COL24A1: variants seen among roughly 807,000 people sequenced by gnomAD.
COL24A1 encodes the protein collagen alpha-1(XXIV) chain.
Under a neutral mutation model 253.9 loss-of-function variants are expected in COL24A1, and 224 were observed. The ratio of observed to expected loss-of-function variants is 0.88; its 90% CI spans 0.79 to 0.99. The LOEUF (loss-of-function observed/expected upper bound fraction) is 0.99. COL24A1 is among the 50% of genes least tolerant of loss of function. The probability of loss-of-function intolerance (pLI) is 0.00; values close to 1 mark genes in which losing one functional copy is unlikely to be tolerated. For synonymous variants in COL24A1, 685 were observed against 673.7 expected (o/e 1.02, Z -0.26); for missense variants, 2,131 against 2,068.5 (o/e 1.03, Z -0.59).
chr1:85,842,879 T>G (rs1215068977), intron 39 of COL24A1, among the ~76,000 whole-genome samples: 2 of 152,146 alleles, frequency 1.3e-5, no homozygotes, highest in African/African-American at 4.8e-5. Context: ...GGTTGACAAC[T>G]TACATGTAAT....
intron 3 of COL24A1, among the ~76,000 whole-genome samples, chr1:86,116,381 A>G (rs2102193589): frequency 6.6e-6 from 1 of 152,330 alleles, no homozygotes; most frequent in Non-Finnish European, 1.5e-5. Flanking sequence ...TAAAATTTTT[A>G]TATATCTATG....
chr1:86,101,262 A>AT, intron 5 of COL24A1, among the ~76,000 whole-genome samples: 1 of 152,114 alleles, frequency 6.6e-6, no homozygotes, highest in East Asian at 1.9e-4. Flanking sequence ...TTGAAGTTGT[A>AT]TATCAGCTTA....
chr1:85,887,649 A>G (rs1571087382), intron 32 of COL24A1, among the ~76,000 whole-genome samples: 3 of 152,118 alleles, frequency 2.0e-5, no homozygotes, highest in African/African-American at 7.2e-5. Context: ...AACTGGACTG[A>G]GGGCTGTAGT....
intron 24 of COL24A1, among the ~76,000 whole-genome samples, chr1:85,925,280 T>C (rs1459036081): frequency 6.6e-6 from 1 of 152,186 alleles, no homozygotes; most frequent in Non-Finnish European, 1.5e-5. Flanking sequence ...GCCATCCCCA[T>C]GAAGCTACCA....
intron 8 of COL24A1, among the ~76,000 whole-genome samples, chr1:86,062,960 C>T (rs1009661405): frequency 7.6e-4 from 116 of 152,160 alleles, no homozygotes; most frequent in African/African-American, 2.6e-3. Flanking sequence ...TTAGGGTTTC[C>T]TGAGTCTCTG....
At position 85,976,620 on chromosome 1, in the gene COL24A1, C is replaced by T. The variant is rs185406811; in HGVS notation, c.2365-5227G>A. On this transcript the variant is annotated intron_variant, in intron 20 of 59. Transcript: ENST00000370571. The stretch of plus-strand genomic sequence containing the variant: ...GGCCTTGCCCATCACCTGAGAAACC[C>T]AAATACTTATTCTGGCCAACTTAGG... 5.9e-5 allele frequency among the ~76,000 whole-genome samples: 9 copies of T among 152,258 alleles called. No individual in the cohort carries two copies. In the East Asian group the frequency reaches 1.5e-3, roughly 26 times the overall value.
intron 23 of COL24A1, 71 bp from the exon 24 acceptor site, chr1:85,961,364 T>C: frequency 7.9e-7 from 1 of 1,260,478 alleles, no homozygotes; most frequent in Non-Finnish European, 1.1e-6. Context: ...CAGTTTCAAT[T>C]TTCCTTTTTA....
chr1:85,853,652 A>G (rs888058245), intron 37 of COL24A1, among the ~76,000 whole-genome samples: 5 of 152,186 alleles, frequency 3.3e-5, no homozygotes, highest in African/African-American at 1.2e-4. Flanking sequence ...ACTTTTTAAT[A>G]AAAGCCATTC....
rs746583358 is a variant in COL24A1, at chr1:86,126,204, A to T, written c.132T>A (p.Ile44=). The change falls in exon 3 of 60, where the codon ATT becomes ATA. Residue 44 remains isoleucine (I), a synonymous_variant. Transcript: ENST00000370571. ...VVHAQEQGID[I]LHQLGLGGKD... is the part of the protein sequence containing the mutation. Reference sequence around the variant, plus strand: ...TGCCTCCAAGGCCTAGTTGATGAAGAATATCTATGCCTGGAAATTTAAAAA... The same window carrying T: ...TGCCTCCAAGGCCTAGTTGATGAAGTATATCTATGCCTGGAAATTTAAAAA... 3.1e-6 allele frequency: 5 copies of T among 1,589,608 alleles called. No individual in the cohort carries two copies. Among genetic ancestry groups the T allele is most frequent in the Non-Finnish European group, 4.3e-6 (5 of 1,174,282 alleles).
chr1:86,074,584 A>T (rs1198761587), intron 7 of COL24A1, among the ~76,000 whole-genome samples: 1 of 152,138 alleles, frequency 6.6e-6, no homozygotes, highest in African/African-American at 2.4e-5. Flanking sequence ...TAGGACTTGA[A>T]CTCAGCTCTG....
intron 29 of COL24A1, 116 bp from the exon 30 acceptor site, chr1:85,896,181 A>T: frequency 1.6e-6 from 2 of 1,242,106 alleles, no homozygotes; most frequent in Non-Finnish European, 2.3e-6. Context: ...ATAGTTCATT[A>T]TTGAAAAGAA....
chr1:86,058,024 A>G (rs1235805362), intron 9 of COL24A1, 49 bp from the exon 10 acceptor site: 9 of 1,492,410 alleles, frequency 6.0e-6, no homozygotes, highest in Non-Finnish European at 6.5e-6. Flanking sequence ...CTTTTTAAAG[A>G]GTTAATAAAT....
chr1:85,756,057 C>CAAAAAAAAAAAAAAA (rs200030128), intron 55 of COL24A1, among the ~76,000 whole-genome samples: 2 of 95,822 alleles, frequency 2.1e-5, no homozygotes, highest in Non-Finnish European at 4.0e-5. Flanking sequence ...TACTAACAAC[C>CAAAAAAAAAAAAAAA]AAAAAAAAAA....
chr1:85,865,369 C>A (rs1164592280), intron 37 of COL24A1, among the ~76,000 whole-genome samples: 2 of 151,936 alleles, frequency 1.3e-5, no homozygotes, highest in Non-Finnish European at 2.9e-5. Context: ...AGTTTACAAG[C>A]TGAAAGCCAT....
At chr1:85,802,452 C>A (rs1025765696) in intron 47 of COL24A1, among the ~76,000 whole-genome samples, 2 of 152,060 alleles carry the variant, frequency 1.3e-5, no homozygotes, top group Admixed American at 1.3e-4. Flanking sequence ...CTTTCTCCAC[C>A]TATAATTATT....
chr1:85,833,180 G>A (rs937539069), intron 43 of COL24A1, among the ~76,000 whole-genome samples: 8 of 152,028 alleles, frequency 5.3e-5, no homozygotes, highest in African/African-American at 9.7e-5. Context: ...GAGTGAACAG[G>A]CAACCTACAA....
At chr1:85,848,148 T>C (rs1056368573) in intron 38 of COL24A1, among the ~76,000 whole-genome samples, 5 of 152,194 alleles carry the variant, frequency 3.3e-5, no homozygotes, top group African/African-American at 1.2e-4. Flanking sequence ...ACAAGGTCTG[T>C]TCAATACAAA....
intron 10 of COL24A1, among the ~76,000 whole-genome samples, chr1:86,054,982 T>C (rs931725883): frequency 1.3e-5 from 2 of 152,040 alleles, no homozygotes; most frequent in African/African-American, 4.8e-5. Context: ...CAAAATCCTA[T>C]CCTTTGCAGC....
chr1:86,138,780 C>T (rs80180180), intron 2 of COL24A1, among the ~76,000 whole-genome samples: 2 of 152,114 alleles, frequency 1.3e-5, no homozygotes, highest in Non-Finnish European at 2.9e-5. Context: ...TATCTGCTCA[C>T]TTCACAGCAT....
Sources: allele counts gnomAD v4.1 joint callset (sites outside exome capture counted in the v4.1 genomes callset), GRCh38; gene constraint gnomAD v4.1.1; transcripts MANE v1.5; gene names NCBI Gene and HGNC (gene_info 2026-07-23, HGNC 2026-07-21).